The following CNGA1 variants were observed in gnomAD, a reference collection of about 807,000 sequenced individuals.
CNGA1 encodes cyclic nucleotide-gated channel alpha-1.
Under a neutral mutation model 69.7 loss-of-function variants are expected in CNGA1, and 53 were observed. The observed-to-expected ratio is 0.76, with a 90% CI of 0.61 to 0.96. The LOEUF (loss-of-function observed/expected upper bound fraction) is 0.96, where lower values mean the gene tolerates loss of function less well. Among genes scored for constraint, CNGA1 ranks in the 40% least tolerant of loss-of-function variants. The pLI is 0.00. For synonymous variants in CNGA1, 249 were observed against 283.5 expected, an observed-to-expected ratio of 0.88 and a Z score of 1.22; for missense variants, 739 against 811.2, an observed-to-expected ratio of 0.91 and a Z score of 1.08.
chr4:47,938,170 T>A (rs1452499563), intron 10 of CNGA1, among the ~76,000 whole-genome samples: 9 of 75,698 alleles, frequency 1.2e-4, no homozygotes, highest in Non-Finnish European at 2.1e-4. Flanking sequence ...CGAGACCCTG[T>A]CTCAAAAAAA....
intron 9 of CNGA1, among the ~76,000 whole-genome samples, chr4:47,941,731 GT>G (rs1228139988): frequency 6.6e-6 from 1 of 151,950 alleles, no homozygotes; most frequent in Non-Finnish European, 1.5e-5. Flanking sequence ...TGTGACACGA[GT>G]TTACCTATAA....
intron 2 of CNGA1, among the ~76,000 whole-genome samples, chr4:47,990,700 A>G (rs1198050929): frequency 6.6e-6 from 1 of 152,064 alleles, no homozygotes; most frequent in African/African-American, 2.4e-5. Flanking sequence ...TCCTACTAAT[A>G]TGTGATGGCA....
At chr4:47,986,552 T>C (rs1442857371) in intron 2 of CNGA1, among the ~76,000 whole-genome samples, 1 of 152,206 alleles carries the variant, frequency 6.6e-6, no homozygotes, top group African/African-American at 2.4e-5. Flanking sequence ...TGTGTTTTCA[T>C]GTGTGTAGAG....
intron 2 of CNGA1, among the ~76,000 whole-genome samples, chr4:48,003,890 G>A (rs1050278138): frequency 2.6e-5 from 4 of 152,042 alleles, no homozygotes; most frequent in African/African-American, 7.3e-5. Context: ...ACCAGGAAAG[G>A]GAGTCTCCCT....
intron 3 of CNGA1, among the ~76,000 whole-genome samples, chr4:47,955,173 C>CTTTTTTTTTTTT (rs377338639): frequency 3.8e-4 from 37 of 98,192 alleles, no homozygotes; most frequent in Non-Finnish European, 5.7e-4. Context: ...TTTTTCTTTT[C>CTTTTTTTTTTTT]TTTTTTTTTT....
At chr4:47,976,384 A>C (rs1247459158) in intron 3 of CNGA1, among the ~76,000 whole-genome samples, 1 of 147,830 alleles carries the variant, frequency 6.8e-6, no homozygotes, top group Non-Finnish European at 1.5e-5. Flanking sequence ...GTACAGGTGA[A>C]TGTCTTACTT....
At chr4:48,008,315 A>G (rs1313880728) in intron 2 of CNGA1, among the ~76,000 whole-genome samples, 2 of 152,142 alleles carry the variant, frequency 1.3e-5, no homozygotes, top group Non-Finnish European at 2.9e-5. Context: ...TTTACCATGT[A>G]ATATTCTTTC....
At chr4:47,952,050 A>G (rs1326446260) in intron 4 of CNGA1, among the ~76,000 whole-genome samples, 3 of 152,164 alleles carry the variant, frequency 2.0e-5, no homozygotes, top group Admixed American at 2.0e-4. Context: ...AGATGCTTCC[A>G]AAAAAGTGAC....
intron 3 of CNGA1, among the ~76,000 whole-genome samples, chr4:47,966,429 T>G (rs933751900): frequency 3.3e-5 from 5 of 152,236 alleles, no homozygotes; most frequent in Admixed American, 3.3e-4. Context: ...AAATTTAGCA[T>G]GCATATACTT....
chr4:47,999,212 A>G (rs1742928037), intron 2 of CNGA1, among the ~76,000 whole-genome samples: 1 of 152,230 alleles, frequency 6.6e-6, no homozygotes, highest in African/African-American at 2.4e-5. Flanking sequence ...TTCCATGCCT[A>G]ATTTATAAAT....
At chr4:47,959,337 G>C (rs1203597366) in intron 3 of CNGA1, among the ~76,000 whole-genome samples, 1 of 152,118 alleles carries the variant, frequency 6.6e-6, no homozygotes, top group East Asian at 1.9e-4. Flanking sequence ...GATTTAATTA[G>C]TCCCACTAAT....
intron 3 of CNGA1, among the ~76,000 whole-genome samples, chr4:47,965,785 A>T (rs776417799): frequency 6.6e-6 from 1 of 151,686 alleles, no homozygotes; most frequent in African/African-American, 2.4e-5. Flanking sequence ...TTTATTTTGA[A>T]TTTTTCCATC....
chr4:47,981,643 T>A (rs527431345), intron 2 of CNGA1, 143 bp from the exon 3 acceptor site: 2 of 152,324 alleles, frequency 1.3e-5, no homozygotes, highest in South Asian at 4.1e-4. Context: ...GGCATTGGAT[T>A]TGCGGATTTA....
intron 3 of CNGA1, among the ~76,000 whole-genome samples, chr4:47,953,378 C>T (rs1043986517): frequency 6.6e-6 from 1 of 152,250 alleles, no homozygotes; most frequent in African/African-American, 2.4e-5. Flanking sequence ...ATAGGGACCT[C>T]GCATACCCAT....
At chr4:48,011,486 A>T (rs1038968888) in intron 1 of CNGA1, among the ~76,000 whole-genome samples, 2 of 152,018 alleles carry the variant, frequency 1.3e-5, no homozygotes, top group African/African-American at 2.4e-5. Flanking sequence ...TTCCTTTTTT[A>T]AAAAAATCTT....
At chr4:48,016,246 C>A (rs1715370844) in intron 1 of CNGA1, among the ~76,000 whole-genome samples, 1 of 152,054 alleles carries the variant, frequency 6.6e-6, no homozygotes, top group Admixed American at 6.6e-5. Flanking sequence ...GGACGGACAG[C>A]GACAGAAGCT....
chr4:47,999,708 TAA>T (rs1329755216), intron 2 of CNGA1, among the ~76,000 whole-genome samples: 1 of 152,046 alleles, frequency 6.6e-6, no homozygotes, highest in Non-Finnish European at 1.5e-5. Context: ...CCGTCTCTAC[TAA>T]AACTTCAAAA....
chr4:47,959,042 G>C (rs1191782050), intron 3 of CNGA1: 1 of 152,076 alleles, frequency 6.6e-6, no homozygotes, highest in Non-Finnish European at 1.5e-5. Flanking sequence ...ACAACATAAA[G>C]AAGAAAATGT....
chr4:47,986,379 G>A (rs1391139740), intron 2 of CNGA1, among the ~76,000 whole-genome samples: 3 of 151,550 alleles, frequency 2.0e-5, no homozygotes, highest in African/African-American at 7.3e-5. Flanking sequence ...GCCAGCCTGG[G>A]TGACAGAGTG....
Sources: allele counts gnomAD v4.1 joint callset (sites outside exome capture counted in the v4.1 genomes callset), GRCh38; gene constraint gnomAD v4.1.1; transcripts MANE v1.5; gene names NCBI Gene and HGNC (gene_info 2026-07-23, HGNC 2026-07-21).